FRMD4A: variants seen among roughly 807,000 people sequenced by gnomAD.
The protein encoded by FRMD4A is FERM domain containing 4A, also known as FERM domain-containing protein 4A.
Under a neutral mutation model 129.1 loss-of-function variants are expected in FRMD4A, and 29 were observed. The observed-to-expected ratio is 0.22, with a 90% CI of 0.17 to 0.31. FRMD4A has a LOEUF of 0.31. Ranked by LOEUF, FRMD4A falls within the 10% of genes least tolerant of loss-of-function variation. The probability of loss-of-function intolerance (pLI) is 1.00; values close to 1 mark genes in which losing one functional copy is unlikely to be tolerated. For missense variants in FRMD4A, 1,272 were observed against 1,375.8 expected, an observed-to-expected ratio of 0.92 and a Z score of 1.19; for synonymous variants, 634 against 571.6, an observed-to-expected ratio of 1.11 and a Z score of -1.56.
chr10:13,692,230 C>G (rs914689645), intron 15 of FRMD4A: 1 of 147,906 alleles, frequency 6.8e-6, no homozygotes, highest in Admixed American at 6.8e-5. Context: ...CTCACTGCAA[C>G]CTCTGCCTCC....
Position 13,666,323 on chromosome 10 carries a change from T to G in FRMD4A, c.1377A>C (p.Glu459Asp), listed in dbSNP as rs766144497. The G allele has an allele frequency of 6.2e-7, 1 of 1,611,146 alleles. No individual in the cohort carries two copies. The highest frequency in any genetic ancestry group is 8.5e-7 in the Non-Finnish European group (1 of 1,177,410). ...DEQKILPKGE[E>D]AELERLEREF... ...CTCGTTCCAGGCGTTCCAGCTCAGCTTCCTGTGGGAGGGAAAGCACCGGTT... is the reference window on the plus strand; with the variant it reads ...CTCGTTCCAGGCGTTCCAGCTCAGCGTCCTGTGGGAGGGAAAGCACCGGTT... The change falls in exon 18 of 25, where the codon GAA becomes GAC. Residue 459 changes from glutamate to aspartate, a missense_variant and splice_region_variant. Glu to Asp is a conservative substitution (Grantham distance 45). This residue lies in a region of FRMD4A where 972 missense variants were observed against 892.3 expected (regional missense o/e 1.09). Coordinates refer to ENST00000357447, the MANE Select transcript of FRMD4A (RefSeq NM_018027.5).
At chr10:13,799,567 C>T (rs2093206838) in intron 4 of FRMD4A, among the ~76,000 whole-genome samples, 1 of 152,144 alleles carries the variant, frequency 6.6e-6, no homozygotes, top group Non-Finnish European at 1.5e-5. Flanking sequence ...AAGCTGCAAC[C>T]ACTTCCTTCC....
At chr10:13,912,750 C>G (rs1409522254) in intron 2 of FRMD4A, among the ~76,000 whole-genome samples, 1 of 151,734 alleles carries the variant, frequency 6.6e-6, no homozygotes, top group Non-Finnish European at 1.5e-5. Context: ...AGGATGGTCT[C>G]GATCTCCTGA....
chr10:14,126,429 A>G (rs1838845481), intron 2 of FRMD4A, among the ~76,000 whole-genome samples: 1 of 151,634 alleles, frequency 6.6e-6, no homozygotes, highest in African/African-American at 2.4e-5. Flanking sequence ...TCAGCCTCCT[A>G]AAGTTCTGGG....
intron 15 of FRMD4A, among the ~76,000 whole-genome samples, chr10:13,679,378 G>T (rs1227055286): frequency 1.6e-5 from 2 of 126,612 alleles, no homozygotes; most frequent in African/African-American, 5.9e-5. Context: ...AATGAGCCGA[G>T]ATTGGTCCAC....
intron 2 of FRMD4A, among the ~76,000 whole-genome samples, chr10:14,258,514 T>C (rs752135250): frequency 1.1e-4 from 17 of 152,216 alleles, no homozygotes; most frequent in African/African-American, 1.9e-4. Flanking sequence ...ACCACACATC[T>C]ATCCGAATTG....
intron 2 of FRMD4A, among the ~76,000 whole-genome samples, chr10:13,923,458 G>C (rs1201009202): frequency 6.6e-6 from 1 of 152,114 alleles, no homozygotes; most frequent in Non-Finnish European, 1.5e-5. Context: ...GATGAAAGAG[G>C]AAACAATGCT....
At chr10:14,099,647 T>C (rs1405577353) in intron 2 of FRMD4A, among the ~76,000 whole-genome samples, 1 of 152,238 alleles carries the variant, frequency 6.6e-6, no homozygotes, top group African/African-American at 2.4e-5. Flanking sequence ...TGGACCTGTG[T>C]AGTTCAAATC....
chr10:14,206,809 C>CAAAAAAAAAAAAAAAA (rs57029013), intron 2 of FRMD4A, among the ~76,000 whole-genome samples: 19,785 of 41,792 alleles, frequency 0.47, 6,369 homozygotes, highest in Middle Eastern at 0.83. Flanking sequence ...GACGCTATCT[C>CAAAAAAAAAAAAAAAA]AAAAAAAAAA....
chr10:13,948,327 C>T (rs1051507072), intron 2 of FRMD4A, among the ~76,000 whole-genome samples: 1 of 152,106 alleles, frequency 6.6e-6, no homozygotes, highest in Non-Finnish European at 1.5e-5. Flanking sequence ...GCTGGGATTA[C>T]TGGTGTGAGC....
intron 2 of FRMD4A, among the ~76,000 whole-genome samples, chr10:14,239,455 G>A (rs527519497): frequency 1.5e-3 from 226 of 152,104 alleles, no homozygotes; most frequent in African/African-American, 5.2e-3. Context: ...GTGAAACCCC[G>A]TCTCTACTAA....
intron 2 of FRMD4A, among the ~76,000 whole-genome samples, chr10:14,226,010 C>T (rs1220335381): frequency 1.3e-5 from 2 of 152,150 alleles, no homozygotes; most frequent in East Asian, 3.8e-4. Context: ...TATTCTAAAG[C>T]AATGTGTAAC....
rs60196881 is a variant in FRMD4A, at chr10:14,184,298, A to ATTTTTTT, written c.45+145753_45+145759dup. Among the ~76,000 whole-genome samples, 78 of 104,904 alleles carry ATTTTTTT rather than the reference A, an allele frequency of 7.4e-4. 4 individuals carry two copies. Among genetic ancestry groups the ATTTTTTT allele is most frequent in the Non-Finnish European group, 1.3e-3 (64 of 51,180 alleles). The allele number at this position is 104,904 out of a possible 152,430, so 68.8% of individuals were successfully genotyped here. ...AGGTGCATACCACCACAACCGGTTAATTTTTTTTTTTTTTTTAGTAGAGAT... is the reference window on the plus strand; with the variant it reads ...AGGTGCATACCACCACAACCGGTTAATTTTTTTTTTTTTTTTTTTTTTTAGTAGAGAT... On this transcript the variant is annotated intron_variant, in intron 2 of 24. Coordinates refer to ENST00000357447, the MANE Select transcript of FRMD4A (RefSeq NM_018027.5).
chr10:14,109,686 C>T (rs374349211), intron 2 of FRMD4A, among the ~76,000 whole-genome samples: 1 of 152,184 alleles, frequency 6.6e-6, no homozygotes, highest in African/African-American at 2.4e-5. Context: ...CTTAAAAATG[C>T]TTTGACCAGG....
At chr10:13,839,676 C>T (rs2093932162) in intron 3 of FRMD4A, among the ~76,000 whole-genome samples, 1 of 152,200 alleles carries the variant, frequency 6.6e-6, no homozygotes, top group African/African-American at 2.4e-5. Context: ...GCTCAGCAAG[C>T]CAGGCCCACA....
At chr10:14,040,732 G>C (rs531421484) in intron 2 of FRMD4A, among the ~76,000 whole-genome samples, 6 of 144,322 alleles carry the variant, frequency 4.2e-5, no homozygotes, top group Admixed American at 2.1e-4. Context: ...ACCATAGACT[G>C]TCTCAGTTTC....
chr10:13,957,315 G>A lies in FRMD4A; in HGVS notation c.46-98403C>T, dbSNP rs534695640. On this transcript the variant is annotated intron_variant, in intron 2 of 24. Transcript: ENST00000357447. ...GCTGCCCAGACTGGAGTGCAGTGGT[G>A]CAATCTGGGCTTACTGCAATCTCTG... Among the ~76,000 whole-genome samples, 61 of 152,286 alleles carry A rather than the reference G, an allele frequency of 4.0e-4. 1 individual carries two copies. In the South Asian group the frequency reaches 5.6e-3, roughly 14 times the overall value.
At chr10:13,920,358 T>C (rs1348379670) in intron 2 of FRMD4A, among the ~76,000 whole-genome samples, 4 of 152,198 alleles carry the variant, frequency 2.6e-5, no homozygotes, top group Non-Finnish European at 5.9e-5. Flanking sequence ...TATGATGAGG[T>C]TCTTGAACTG....
chr10:13,901,521 A>G (rs1483404385), intron 2 of FRMD4A, among the ~76,000 whole-genome samples: 1 of 151,866 alleles, frequency 6.6e-6, no homozygotes, highest in Non-Finnish European at 1.5e-5. Context: ...GAGGCAGCAG[A>G]ATCTCTGAGC....
Sources: gnomAD v4.1 joint callset for allele counts (sites outside exome capture counted in the v4.1 genomes callset) on GRCh38, gnomAD v4.1.1 for gene constraint, gnomAD v4.1.1 regional missense constraint, MANE v1.5 for transcripts, NCBI Gene and HGNC (gene_info 2026-07-23, HGNC 2026-07-21) for gene names.